Variants in CREB3L1 observed in about 807,000 individuals in gnomAD.
CREB3L1 encodes the protein cAMP responsive element binding protein 3 like 1.
CREB3L1 carries 33 observed loss-of-function variants against 54.5 expected under a neutral mutation model. The ratio of observed to expected loss-of-function variants is 0.61; its 90% CI spans 0.46 to 0.81. The LOEUF is 0.81. Ranked by LOEUF, CREB3L1 falls within the 30% of genes least tolerant of loss-of-function variation. The pLI is 0.00. For missense variants in CREB3L1, 656 were observed against 673.3 expected, an observed-to-expected ratio of 0.97 and a Z score of 0.29; for synonymous variants, 284 against 286.4, an observed-to-expected ratio of 0.99 and a Z score of 0.08.
At chr11:46,306,197 G>A (rs983169207) in intron 2 of CREB3L1, among the ~76,000 whole-genome samples, 1 of 152,118 alleles carries the variant, frequency 6.6e-6, no homozygotes, top group African/African-American at 2.4e-5. Flanking sequence ...GTGAGCTACC[G>A]CACCCAGCCA....
chr11:46,280,715 T>C (rs1169535607), intron 1 of CREB3L1, among the ~76,000 whole-genome samples: 2 of 151,198 alleles, frequency 1.3e-5, no homozygotes, highest in Admixed American at 1.3e-4. Flanking sequence ...GCAAGTCACT[T>C]TCCTTCTCTG....
chr11:46,306,185 G>A (rs979680219), intron 2 of CREB3L1, among the ~76,000 whole-genome samples: 2 of 152,146 alleles, frequency 1.3e-5, no homozygotes, highest in South Asian at 2.1e-4. Context: ...GGGATTATAG[G>A]CGTGAGCTAC....
chr11:46,318,802 T>C (rs1939604776), intron 10 of CREB3L1, among the ~76,000 whole-genome samples: 1 of 151,680 alleles, frequency 6.6e-6, no homozygotes. Flanking sequence ...GGAGGGAAGA[T>C]TAAGGAGTGA....
At chr11:46,301,155 G>A (rs1939295985) in intron 2 of CREB3L1, among the ~76,000 whole-genome samples, 1 of 150,460 alleles carries the variant, frequency 6.6e-6, no homozygotes, top group Admixed American at 6.6e-5. Context: ...GGTGACAAGA[G>A]CGAAACTCCG....
intron 1 of CREB3L1, among the ~76,000 whole-genome samples, chr11:46,292,792 T>A (rs981694134): frequency 2.1e-5 from 3 of 140,676 alleles, no homozygotes; most frequent in African/African-American, 8.4e-5. Flanking sequence ...TATTTTTAAA[T>A]TTTTTTTTTT....
Position 46,307,878 on chromosome 11 carries a change from C to G in CREB3L1, c.394C>G (p.Gln132Glu). The change falls in exon 3 of 12, where the codon CAG becomes GAG. Residue 132 changes from glutamine (Q) to glutamate (E), a missense_variant. Gln to Glu is a conservative substitution (Grantham distance 29, BLOSUM62 2). Around this residue, in one of 3 missense-constraint regions of CREB3L1, gnomAD observed 339 missense variants for 331.5 expected, o/e 1.02. Transcript: ENST00000621158. ...KLCSIMVKQEQSPELPVDPLA... is the reference protein window; with the variant it reads ...KLCSIMVKQEESPELPVDPLA... ...GTGCTCCATCATGGTGAAGCAGGAG[C>G]AGAGCCCGGAGCTGCCCGTGGACCC... 1.3e-6 allele frequency: 2 copies of G among 1,581,362 alleles called. No individual in the cohort carries two copies. Among genetic ancestry groups the G allele is most frequent in the Non-Finnish European group, 1.7e-6 (2 of 1,164,034 alleles).
intron 2 of CREB3L1, among the ~76,000 whole-genome samples, chr11:46,304,584 C>T (rs1939351409): frequency 6.6e-6 from 1 of 152,106 alleles, no homozygotes; most frequent in African/African-American, 2.4e-5. Context: ...CAAAGACAAA[C>T]CTTTGTACCT....
chr11:46,294,058 G>A (rs775159559), intron 1 of CREB3L1, among the ~76,000 whole-genome samples: 5 of 152,174 alleles, frequency 3.3e-5, no homozygotes, highest in Non-Finnish European at 5.9e-5. Context: ...TCACTATGTG[G>A]TGTCAGAGAG....
chr11:46,283,399 T>C (rs1939007414), intron 1 of CREB3L1, among the ~76,000 whole-genome samples: 1 of 152,180 alleles, frequency 6.6e-6, no homozygotes, highest in South Asian at 2.1e-4. Context: ...AGTCACTTTT[T>C]TTTACCAGCC....
At chr11:46,316,477 G>C in intron 9 of CREB3L1, 92 bp downstream of exon 9, 1 of 833,874 alleles carries the variant, frequency 1.2e-6, no homozygotes, top group Non-Finnish European at 2.0e-6. Context: ...TTAAGGATCG[G>C]TAACATCGTG....
At chr11:46,317,705 T>A (rs950206276) in intron 10 of CREB3L1, among the ~76,000 whole-genome samples, 12 of 152,224 alleles carry the variant, frequency 7.9e-5, no homozygotes, top group Non-Finnish European at 1.8e-4. Context: ...GAGCTCCCGA[T>A]GCCCAGCCTA....
Position 46,321,231 on chromosome 11 carries a change from T to C in CREB3L1, c.*485T>C. 1 of 319,728 alleles carries C rather than the reference T, an allele frequency of 3.1e-6. No homozygotes were observed. The highest frequency in any genetic ancestry group is 6.1e-6 in the Non-Finnish European group (1 of 164,582). 19.8% of individuals were successfully genotyped at this position (319,728 alleles called of 1,614,324 possible). The stretch of plus-strand genomic sequence containing the variant: ...CCCTTCGCCCCTCCCTTGTTTTATA[T>C]TTTATGAAGTTAGTGCGGGCTTTGC... On this transcript the variant is annotated 3_prime_UTR_variant, in exon 12 of 12. Coordinates refer to ENST00000621158, the MANE Select transcript of CREB3L1 (RefSeq NM_052854.4).
chr11:46,317,838 G>A (rs530739500), intron 10 of CREB3L1, among the ~76,000 whole-genome samples: 1 of 152,342 alleles, frequency 6.6e-6, no homozygotes, highest in South Asian at 2.1e-4. Flanking sequence ...GGCACCATCA[G>A]TATCTCATGA....
At chr11:46,309,535 C>T (rs1011805512) in intron 3 of CREB3L1, among the ~76,000 whole-genome samples, 3 of 152,220 alleles carry the variant, frequency 2.0e-5, no homozygotes, top group East Asian at 3.8e-4. Context: ...ATTTATACCC[C>T]GGGACTCATT....
intron 1 of CREB3L1, among the ~76,000 whole-genome samples, chr11:46,290,764 C>T (rs1446464228): frequency 6.7e-6 from 1 of 149,222 alleles, no homozygotes; most frequent in Non-Finnish European, 1.5e-5. Context: ...GGAGGCAGAG[C>T]TTGAGCAAGC....
chr11:46,283,297 C>G (rs1249567148), intron 1 of CREB3L1, among the ~76,000 whole-genome samples: 1 of 152,152 alleles, frequency 6.6e-6, no homozygotes, highest in Non-Finnish European at 1.5e-5. Flanking sequence ...TTCAGATGGT[C>G]TGTACTATCA....
rs1939647035 is a variant in CREB3L1 at position 46,321,104 on chromosome 11, C to CTGT, written c.*358_*359insTGT. 9.6e-6 allele frequency: 5 copies of CTGT among 521,484 alleles called. No homozygotes were observed. The highest frequency in any genetic ancestry group is 1.9e-5 in the African/African-American group (1 of 52,668). 32.3% of individuals were successfully genotyped at this position (521,484 alleles called of 1,614,324 possible). On this transcript the variant is annotated 3_prime_UTR_variant, in exon 12 of 12. Transcript: ENST00000621158. ...TCACAGACACCCCTTACCCCACCCC[C>CTGT]ACTGTACAGAGACCAAGAACAGAAA...
chr11:46,314,468 C>G (rs954473664), intron 8 of CREB3L1, among the ~76,000 whole-genome samples: 1 of 151,958 alleles, frequency 6.6e-6, no homozygotes, highest in Non-Finnish European at 1.5e-5. Context: ...CTCACTGCAG[C>G]CTCAAACTCC....
chr11:46,307,312 A>G (rs1330176546), intron 2 of CREB3L1, among the ~76,000 whole-genome samples: 2 of 151,956 alleles, frequency 1.3e-5, no homozygotes, highest in South Asian at 4.2e-4. Flanking sequence ...CTGGTCACGA[A>G]CTCCTGGGCT....
Sources: gnomAD v4.1 joint callset for allele counts (sites outside exome capture counted in the v4.1 genomes callset) on GRCh38, gnomAD v4.1.1 for gene constraint, gnomAD v4.1.1 regional missense constraint, MANE v1.5 for transcripts, NCBI Gene and HGNC (gene_info 2026-07-23, HGNC 2026-07-21) for gene names.